AHI1: variants seen among roughly 807,000 people sequenced by gnomAD.
AHI1 encodes jouberin.
Under a neutral mutation model 149.3 loss-of-function variants are expected in AHI1, and 123 were observed. The ratio of observed to expected loss-of-function variants is 0.82; its 90% CI spans 0.71 to 0.96. The LOEUF is 0.96. Ranked by LOEUF, AHI1 falls within the 40% of genes least tolerant of loss-of-function variation. AHI1 has a pLI of 0.00. For missense variants in AHI1, 1,439 were observed against 1,422.7 expected, an observed-to-expected ratio of 1.01 and a Z score of -0.18; for synonymous variants, 475 against 459.8, an observed-to-expected ratio of 1.03 and a Z score of -0.42.
At chr6:135,472,873 A>G (rs1483099077) in intron 5 of AHI1, among the ~76,000 whole-genome samples, 1 of 152,200 alleles carries the variant, frequency 6.6e-6, no homozygotes, top group Non-Finnish European at 1.5e-5. Context: ...AGCTCTTAAA[A>G]TATTCTAGAT....
At chr6:135,376,790 G>A (rs1038306686) in intron 23 of AHI1, among the ~76,000 whole-genome samples, 1 of 146,398 alleles carries the variant, frequency 6.8e-6, no homozygotes, top group Non-Finnish European at 1.5e-5. Flanking sequence ...GCTGAGGCAG[G>A]AGAATCACCT....
rs550218945 is a variant in AHI1 at position 135,497,725 on chromosome 6, C to G, written c.-344G>C. On this transcript the variant is annotated 5_prime_UTR_variant, in exon 1 of 29. Coordinates refer to ENST00000265602, the MANE Select transcript of AHI1 (RefSeq NM_001134831.2). ...CCGCCAGCGACCCGTGTCCTGAAAG[C>G]AAGCCGCGGCTCTGTGCCGCAGTGC... 10 of 171,410 alleles carry G rather than the reference C, an allele frequency of 5.8e-5. No individual in the cohort carries two copies. Among genetic ancestry groups the G allele is most frequent in the African/African-American group, 2.4e-4 (10 of 41,686 alleles). The allele number at this position is 171,410 out of a possible 1,614,324, so 10.6% of individuals were successfully genotyped here.
chr6:135,382,719 T>A (rs551513613), intron 23 of AHI1, among the ~76,000 whole-genome samples: 5 of 151,674 alleles, frequency 3.3e-5, no homozygotes, highest in African/African-American at 1.2e-4. Flanking sequence ...ACTAAAAATT[T>A]CTTGTCACAG....
chr6:135,284,108 T>C lies in AHI1; in HGVS notation c.*1537A>G, dbSNP rs1005717503. On this transcript the variant is annotated 3_prime_UTR_variant, in exon 29 of 29. Transcript: ENST00000265602. ...CAGCTGTACCTGACACACAGACTTA[T>C]ACATCCAGAACAATGAAAACTCAGT... is the stretch of plus-strand genomic sequence containing the variant. The C allele has an allele frequency of 6.6e-6, 1 of 152,238 alleles. No individual in the cohort carries two copies. The highest frequency in any genetic ancestry group is 2.4e-5 in the African/African-American group (1 of 41,464). 9.4% of individuals were successfully genotyped at this position (152,238 alleles called of 1,614,324 possible). A position where few individuals can be genotyped will look rare whatever the true frequency, so the allele number is the denominator to read the frequency against.
At chr6:135,363,364 G>T (rs1794224561) in intron 23 of AHI1, among the ~76,000 whole-genome samples, 1 of 151,918 alleles carries the variant, frequency 6.6e-6, no homozygotes, top group African/African-American at 2.4e-5. Context: ...CAGGGTTGGG[G>T]GTAAGGTCAC....
chr6:135,343,050 A>G (rs1290013740), intron 24 of AHI1, among the ~76,000 whole-genome samples: 1 of 151,856 alleles, frequency 6.6e-6, no homozygotes, highest in Non-Finnish European at 1.5e-5. Flanking sequence ...AAAATCTGAA[A>G]AAAAACAAAC....
intron 24 of AHI1, among the ~76,000 whole-genome samples, chr6:135,335,013 C>T (rs1789164969): frequency 6.6e-6 from 1 of 152,166 alleles, no homozygotes; most frequent in Non-Finnish European, 1.5e-5. Context: ...CTTTATAAGA[C>T]ATATATACTT....
intron 5 of AHI1, among the ~76,000 whole-genome samples, chr6:135,473,545 A>G (rs1792099571): frequency 6.6e-6 from 1 of 152,156 alleles, no homozygotes; most frequent in Non-Finnish European, 1.5e-5. Flanking sequence ...TCTAGATTTT[A>G]AAGAAAAAGA....
chr6:135,304,885 A>G (rs1255122360), intron 26 of AHI1: 1 of 152,224 alleles, frequency 6.6e-6, no homozygotes, highest in East Asian at 1.9e-4. Context: ...GGTGTTTTGG[A>G]AGATAAGGCA....
chr6:135,438,694 C>T (rs1785794700), intron 14 of AHI1, among the ~76,000 whole-genome samples, 196 bp from the exon 15 acceptor site: 1 of 151,982 alleles, frequency 6.6e-6, no homozygotes, highest in Non-Finnish European at 1.5e-5. Context: ...AATTCACATG[C>T]AAAATTTTCA....
At chr6:135,348,792 A>G (rs1450243974) in intron 24 of AHI1, among the ~76,000 whole-genome samples, 2 of 152,190 alleles carry the variant, frequency 1.3e-5, no homozygotes, top group Non-Finnish European at 2.9e-5. Flanking sequence ...ATTCAGTAAA[A>G]AGAAATGGAC....
At chr6:135,304,794 C>A (rs1267872330) in intron 26 of AHI1, among the ~76,000 whole-genome samples, 2 of 152,146 alleles carry the variant, frequency 1.3e-5, no homozygotes, top group Non-Finnish European at 2.9e-5. Context: ...CCATCCTGAT[C>A]ACGATTTGTA....
chr6:135,422,819 T>C (rs975005102), intron 20 of AHI1, among the ~76,000 whole-genome samples: 4 of 151,834 alleles, frequency 2.6e-5, no homozygotes, highest in Admixed American at 6.6e-5. Flanking sequence ...GAGTGAACTA[T>C]TAATAATACT....
chr6:135,413,539 C>A (rs577195659), intron 20 of AHI1, among the ~76,000 whole-genome samples: 1 of 151,274 alleles, frequency 6.6e-6, no homozygotes, highest in Non-Finnish European at 1.5e-5. Flanking sequence ...TGGAGTAAGG[C>A]AAGTGAGGCA....
intron 22 of AHI1, among the ~76,000 whole-genome samples, chr6:135,399,385 C>T (rs1237558762): frequency 6.6e-6 from 1 of 152,204 alleles, no homozygotes; most frequent in East Asian, 1.9e-4. Context: ...CTGAATCCTT[C>T]AGTCTTCAAC....
chr6:135,316,451 G>A (rs936777440), intron 26 of AHI1, among the ~76,000 whole-genome samples: 11 of 151,908 alleles, frequency 7.2e-5, no homozygotes, highest in African/African-American at 2.4e-4. Flanking sequence ...TATTGATACC[G>A]GTACAAAGCT....
chr6:135,301,790 C>T (rs1368384229), intron 26 of AHI1: 14 of 985,298 alleles, frequency 1.4e-5, no homozygotes, highest in South Asian at 9.4e-5. Flanking sequence ...TCAGTTAAAA[C>T]GTGTTTGGGA....
intron 24 of AHI1, among the ~76,000 whole-genome samples, chr6:135,349,128 G>A (rs1791685540): frequency 1.3e-5 from 2 of 152,092 alleles, no homozygotes; most frequent in Admixed American, 6.5e-5. Flanking sequence ...GGGACAACAG[G>A]TGCGTGGCAC....
rs963359777 is a variant in AHI1 at position 135,283,813 on chromosome 6, T to C, written c.*1832A>G. On this transcript the variant is annotated 3_prime_UTR_variant, in exon 29 of 29. Coordinates refer to ENST00000265602, the MANE Select transcript of AHI1 (RefSeq NM_001134831.2). ...CTTCAACTGCTATTTTTCTCTTTAG[T>C]AGTTGCAATATAAAAACAACCCTTT... 2 of 152,210 alleles carry C rather than the reference T, an allele frequency of 1.3e-5. No individual in the cohort carries two copies. The highest frequency in any genetic ancestry group is 4.8e-5 in the African/African-American group (2 of 41,462). 9.4% of individuals were successfully genotyped at this position (152,210 alleles called of 1,614,324 possible).
Sources: gnomAD v4.1 joint callset for allele counts (sites outside exome capture counted in the v4.1 genomes callset) on GRCh38, gnomAD v4.1.1 for gene constraint, MANE v1.5 for transcripts, NCBI Gene and HGNC (gene_info 2026-07-23, HGNC 2026-07-21) for gene names.